Variants in RBFOX1 observed in about 807,000 individuals in gnomAD.
RBFOX1 encodes the protein RNA binding fox-1 homolog 1.
Under a neutral mutation model 57.7 loss-of-function variants are expected in RBFOX1, and 8 were observed. That is an observed-to-expected ratio of 0.14 (90% CI 0.08 to 0.25). The LOEUF is 0.25. RBFOX1 is among the 10% of genes least tolerant of loss of function. RBFOX1 has a pLI of 1.00. For missense variants in RBFOX1, 611 were observed against 548.5 expected (o/e 1.11, Z -1.14); for synonymous variants, 326 against 222.4 (o/e 1.47, Z -4.15).
chr16:6,126,960 A>G (rs1218771753), intron 1 of RBFOX1, among the ~76,000 whole-genome samples: 3 of 152,178 alleles, frequency 2.0e-5, no homozygotes, highest in Non-Finnish European at 2.9e-5. Flanking sequence ...GTTGTGAGAT[A>G]AAAAACAAGG....
chr16:7,334,820 C>T (rs1380416756), intron 4 of RBFOX1, among the ~76,000 whole-genome samples: 2 of 152,158 alleles, frequency 1.3e-5, no homozygotes, highest in Middle Eastern at 3.2e-3. Context: ...GAAACATAGC[C>T]AGTTATTTTT....
chr16:5,603,585 T>C (rs565355042), downstream of RBFOX1, among the ~76,000 whole-genome samples: 27 of 152,354 alleles, frequency 1.8e-4, no homozygotes, highest in Middle Eastern at 3.4e-3. Context: ...GTGCAAGTCC[T>C]GTTGGAGACC....
chr16:7,067,951 ATT>A (rs60401242), intron 4 of RBFOX1, among the ~76,000 whole-genome samples: 36 of 121,158 alleles, frequency 3.0e-4, no homozygotes, highest in Non-Finnish European at 4.5e-4. Flanking sequence ...AGAGGGCGCC[ATT>A]TTTTTTTTTT....
At chr16:5,900,529 C>G (rs1009502199) in intron 4 of RBFOX1, among the ~76,000 whole-genome samples, 5 of 152,140 alleles carry the variant, frequency 3.3e-5, no homozygotes, top group African/African-American at 1.2e-4. Context: ...TAGAAATCCA[C>G]CAGGAGACCT....
rs181669925 is a variant in RBFOX1 at position 5,394,910 on chromosome 16, A to G, written c.220-72306A>G. 1.9e-3 allele frequency among the ~76,000 whole-genome samples: 284 copies of G among 152,116 alleles called. 1 individual carries two copies. Among genetic ancestry groups the G allele is most frequent in the African/African-American group, 6.6e-3 (272 of 41,496 alleles). On this transcript the variant is annotated intron_variant, in intron 1 of 2. Coordinates refer to the RBFOX1 transcript ENST00000585867. ...ATCTCTTGCTAGGACTGAAGTGGTA[A>G]CATCCTCACTGGCCACCTTGTGTCC...
intron 1 of RBFOX1, among the ~76,000 whole-genome samples, chr16:5,312,919 G>T (rs375056640): frequency 1.3e-5 from 2 of 152,158 alleles, no homozygotes; most frequent in East Asian, 3.9e-4. Context: ...CTCTCACATG[G>T]TGCCTCTGTT....
intron 14 of RBFOX1, among the ~76,000 whole-genome samples, chr16:7,699,189 AG>A (rs1217106671): frequency 6.6e-6 from 1 of 152,176 alleles, no homozygotes; most frequent in African/African-American, 2.4e-5. Flanking sequence ...CTGATCAATC[AG>A]GGACCTTTTC....
intron 2 of RBFOX1, among the ~76,000 whole-genome samples, chr16:6,546,383 C>T (rs1393807395): frequency 6.6e-6 from 1 of 152,168 alleles, no homozygotes; most frequent in Non-Finnish European, 1.5e-5. Context: ...CATTTATTGC[C>T]TCACCATTCT....
chr16:7,568,853 C>T (rs1202512851), intron 5 of RBFOX1, among the ~76,000 whole-genome samples: 1 of 140,186 alleles, frequency 7.1e-6, no homozygotes, highest in Non-Finnish European at 1.5e-5. Flanking sequence ...CGCCACTGCA[C>T]TCCAGCCTGG....
At chr16:5,528,499 T>C (rs568742184) in intron 2 of RBFOX1, among the ~76,000 whole-genome samples, 6 of 151,886 alleles carry the variant, frequency 4.0e-5, no homozygotes, top group Admixed American at 1.3e-4. Context: ...AATGGCATTA[T>C]AGGTCAAAGC....
intron 4 of RBFOX1, among the ~76,000 whole-genome samples, chr16:7,486,277 A>G (rs1242140404): frequency 6.6e-6 from 1 of 150,382 alleles, no homozygotes; most frequent in Admixed American, 6.6e-5. Context: ...CCTCCTGAGA[A>G]CCTGCCACCA....
intron 2 of RBFOX1, among the ~76,000 whole-genome samples, chr16:6,444,044 C>T (rs528619737): frequency 6.6e-6 from 1 of 152,026 alleles, no homozygotes; most frequent in East Asian, 1.9e-4. Flanking sequence ...ATGTAGTGGC[C>T]CTAAGCACAG....
At chr16:6,847,976 C>T (rs982216813) in intron 3 of RBFOX1, among the ~76,000 whole-genome samples, 6 of 152,018 alleles carry the variant, frequency 3.9e-5, no homozygotes, top group African/African-American at 1.4e-4. Flanking sequence ...ACTATAGGCA[C>T]CTGCCACCAT....
chr16:5,852,916 A>T, intron 3 of RBFOX1, among the ~76,000 whole-genome samples: 1 of 152,142 alleles, frequency 6.6e-6, no homozygotes, highest in East Asian at 1.9e-4. Flanking sequence ...AAGACATTGC[A>T]CTACTGCCCC....
intron 2 of RBFOX1, among the ~76,000 whole-genome samples, chr16:6,637,690 A>C (rs1181156925): frequency 1.3e-5 from 2 of 150,828 alleles, no homozygotes; most frequent in African/African-American, 4.9e-5. Context: ...ATGAAGTGGC[A>C]GCAGAAAGTA....
intron 4 of RBFOX1, among the ~76,000 whole-genome samples, chr16:7,395,780 G>A (rs1001094402): frequency 9.2e-5 from 14 of 152,116 alleles, no homozygotes; most frequent in South Asian, 6.2e-4. Flanking sequence ...ATGAATTTTG[G>A]CGTACATATT....
chr16:6,802,380 G>C (rs991954163), intron 3 of RBFOX1, among the ~76,000 whole-genome samples: 1 of 152,076 alleles, frequency 6.6e-6, no homozygotes, highest in African/African-American at 2.4e-5. Flanking sequence ...GTTAATGTTA[G>C]AAAGTCCATG....
intron 3 of RBFOX1, among the ~76,000 whole-genome samples, chr16:5,663,709 G>A (rs572950144): frequency 2.0e-5 from 3 of 152,294 alleles, no homozygotes; most frequent in South Asian, 2.1e-4. Context: ...CATGTAGAGC[G>A]CCCTGCTGCC....
chr16:7,682,674 C>T (rs1056374218), intron 14 of RBFOX1, among the ~76,000 whole-genome samples: 1 of 151,298 alleles, frequency 6.6e-6, no homozygotes, highest in African/African-American at 2.4e-5. Flanking sequence ...TCACTCATGC[C>T]TTTATTTACA....
Sources: allele counts gnomAD v4.1 joint callset (sites outside exome capture counted in the v4.1 genomes callset), GRCh38; gene constraint gnomAD v4.1.1; transcripts MANE v1.5; gene names NCBI Gene and HGNC (gene_info 2026-07-23, HGNC 2026-07-21).